The following IGF2BP3 variants were observed in gnomAD, a reference collection of about 807,000 sequenced individuals.
IGF2BP3 encodes the protein insulin like growth factor 2 mRNA binding protein 3, also known as insulin-like growth factor 2 mRNA-binding protein 3.
In IGF2BP3, 9 loss-of-function variants were observed where a neutral mutation model predicts 73.8. The ratio of observed to expected loss-of-function variants is 0.12; its 90% CI spans 0.07 to 0.21. IGF2BP3 has a LOEUF of 0.21. Among genes scored for constraint, IGF2BP3 ranks in the 10% least tolerant of loss-of-function variants. IGF2BP3 has a pLI of 1.00. For missense variants in IGF2BP3, 542 were observed against 714.0 expected, an observed-to-expected ratio of 0.76 and a Z score of 2.75; for synonymous variants, 258 against 256.7, an observed-to-expected ratio of 1.01 and a Z score of -0.05.
chr7:23,406,603 G>A (rs1171134267), intron 3 of IGF2BP3, among the ~76,000 whole-genome samples: 2 of 152,164 alleles, frequency 1.3e-5, no homozygotes, highest in Non-Finnish European at 2.9e-5. Context: ...CAAAGAGTGA[G>A]CAGCAGCAAG....
chr7:23,453,538 C>T (rs555848638), intron 2 of IGF2BP3, among the ~76,000 whole-genome samples: 63 of 152,182 alleles, frequency 4.1e-4, no homozygotes, highest in Non-Finnish European at 6.9e-4. Flanking sequence ...AGCTCTTTTA[C>T]AATATTGTAC....
chr7:23,328,547 A>G (rs534774625), intron 10 of IGF2BP3, among the ~76,000 whole-genome samples: 1 of 152,350 alleles, frequency 6.6e-6, no homozygotes, highest in East Asian at 1.9e-4. Context: ...AGAAATAACA[A>G]AAGGGCTGGT....
At chr7:23,411,287 T>TA (rs915389237) in intron 3 of IGF2BP3, among the ~76,000 whole-genome samples, 8 of 152,286 alleles carry the variant, frequency 5.3e-5, no homozygotes, top group African/African-American at 1.9e-4. Flanking sequence ...CAATTACACC[T>TA]AAAATGCTTC....
chr7:23,377,183 G>C (rs1037959626), intron 3 of IGF2BP3, among the ~76,000 whole-genome samples: 3 of 151,954 alleles, frequency 2.0e-5, no homozygotes, highest in Non-Finnish European at 4.4e-5. Flanking sequence ...TATCAAGAAA[G>C]TGCAAAGACA....
At chr7:23,452,038 G>A (rs1434397053) in intron 2 of IGF2BP3, among the ~76,000 whole-genome samples, 2 of 146,860 alleles carry the variant, frequency 1.4e-5, no homozygotes, top group Non-Finnish European at 1.5e-5. Context: ...GGAGTCTCCC[G>A]CTGTCACCAA....
chr7:23,378,307 A>C (rs1785791459), intron 3 of IGF2BP3, among the ~76,000 whole-genome samples: 1 of 151,970 alleles, frequency 6.6e-6, no homozygotes, highest in African/African-American at 2.4e-5. Flanking sequence ...AATCAGGAAG[A>C]AAATGAAAAC....
chr7:23,313,394 T>C (rs922593790), intron 13 of IGF2BP3, 128 bp downstream of exon 13: 8 of 1,018,438 alleles, frequency 7.9e-6, no homozygotes, highest in Middle Eastern at 2.2e-4. Context: ...AAGGCAATCT[T>C]CTCCAAACCT....
At chr7:23,449,709 T>C (rs531468265) in intron 2 of IGF2BP3, among the ~76,000 whole-genome samples, 1 of 151,722 alleles carries the variant, frequency 6.6e-6, no homozygotes, top group Admixed American at 6.6e-5. Flanking sequence ...AGGTATGCGC[T>C]ACCACACCCC....
chr7:23,453,842 T>G (rs1184957157), intron 2 of IGF2BP3, among the ~76,000 whole-genome samples: 1 of 152,182 alleles, frequency 6.6e-6, no homozygotes, highest in East Asian at 1.9e-4. Flanking sequence ...GGTGTTTTTT[T>G]TGTTTGTTTT....
At chr7:23,329,599 T>C (rs552588572) in intron 10 of IGF2BP3, among the ~76,000 whole-genome samples, 1 of 152,342 alleles carries the variant, frequency 6.6e-6, no homozygotes, top group African/African-American at 2.4e-5. Flanking sequence ...CTCCAGTTAA[T>C]ACATTTATGA....
chr7:23,351,446 C>G lies in IGF2BP3; in HGVS notation c.542G>C (p.Arg181Thr). Reference sequence around the variant, plus strand: ...GGATACGGATCCTGGAGACCCCTGCCTTGAGGAGCCCCTCTGCCCAAGCCC... The same window carrying G: ...GGATACGGATCCTGGAGACCCCTGCGTTGAGGAGCCCCTCTGCCCAAGCCC... Reference protein sequence around the residue: ...RRGLGQRGSSRQGSPGSVSKQ... With the variant: ...RRGLGQRGSSTQGSPGSVSKQ... The change falls in exon 6 of 15, where the codon AGG becomes ACG. Residue 181 changes from arginine (R) to threonine (T), a missense_variant. Physicochemically the swap from Arg to Thr is moderately conservative, Grantham distance 71. Coordinates refer to ENST00000258729, the MANE Select transcript of IGF2BP3 (RefSeq NM_006547.3). The G allele has an allele frequency of 3.7e-6, 6 of 1,613,664 alleles. No individual in the cohort carries two copies. Among genetic ancestry groups the G allele is most frequent in the Non-Finnish European group, 5.1e-6 (6 of 1,179,818 alleles).
chr7:23,467,651 G>T (rs899013697), intron 2 of IGF2BP3: 1 of 152,260 alleles, frequency 6.6e-6, no homozygotes, highest in Non-Finnish European at 1.5e-5. Context: ...CGAAAGGAAA[G>T]GAGTCTCCAC....
At chr7:23,392,182 T>C (rs1402779744) in intron 3 of IGF2BP3, among the ~76,000 whole-genome samples, 1 of 152,196 alleles carries the variant, frequency 6.6e-6, no homozygotes, top group Non-Finnish European at 1.5e-5. Context: ...TGGCCAGTAC[T>C]GTCCACAGTA....
rs1453111200 is a variant in IGF2BP3 at position 23,334,753 on chromosome 7, T to TTGCAAAACTGGTGAAGTC, written c.1203+7310_1203+7311insGACTTCACCAGTTTTGCA. 2.0e-4 allele frequency among the ~76,000 whole-genome samples: 31 copies of TTGCAAAACTGGTGAAGTC among 152,326 alleles called. 1 individual carries two copies. Among genetic ancestry groups the TTGCAAAACTGGTGAAGTC allele is most frequent in the African/African-American group, 6.7e-4 (28 of 41,586 alleles). ...AGAACAAAGCTGCTCAACTGAAAGT[T>TTGCAAAACTGGTGAAGTC]TGCATAACTGGTGAAGTCTGCCAAT... On this transcript the variant is annotated intron_variant, in intron 10 of 14. Coordinates refer to ENST00000258729, the MANE Select transcript of IGF2BP3 (RefSeq NM_006547.3).
chr7:23,345,878 T>A, intron 8 of IGF2BP3, 62 bp downstream of exon 8: 1 of 1,574,758 alleles, frequency 6.4e-7, no homozygotes, highest in Non-Finnish European at 8.6e-7. Context: ...CTAAGCCCAA[T>A]ACACAACATG....
intron 3 of IGF2BP3, among the ~76,000 whole-genome samples, chr7:23,404,595 G>GT (rs771008246): frequency 6.6e-6 from 1 of 152,122 alleles, no homozygotes; most frequent in Non-Finnish European, 1.5e-5. Context: ...CTGAGGAAAG[G>GT]TATTTGTGAA....
intron 10 of IGF2BP3, among the ~76,000 whole-genome samples, chr7:23,339,722 G>A (rs1784660680): frequency 6.6e-6 from 1 of 152,140 alleles, no homozygotes; most frequent in African/African-American, 2.4e-5. Flanking sequence ...CTAATTTAGG[G>A]GAACCAGCAG....
intron 3 of IGF2BP3, among the ~76,000 whole-genome samples, chr7:23,392,445 T>C (rs1191438811): frequency 6.7e-6 from 1 of 148,642 alleles, no homozygotes; most frequent in African/African-American, 2.5e-5. Context: ...TATATATATA[T>C]ATATATACAC....
intron 3 of IGF2BP3, among the ~76,000 whole-genome samples, chr7:23,410,442 C>A (rs1786983110): frequency 6.6e-6 from 1 of 152,094 alleles, no homozygotes; most frequent in South Asian, 2.1e-4. Context: ...GTCCAGGCAG[C>A]ATAGCACAAA....
Sources: gnomAD v4.1 joint callset for allele counts (sites outside exome capture counted in the v4.1 genomes callset) on GRCh38, gnomAD v4.1.1 for gene constraint, MANE v1.5 for transcripts, NCBI Gene and HGNC (gene_info 2026-07-23, HGNC 2026-07-21) for gene names.